LRP6: variants seen among roughly 807,000 people sequenced by gnomAD.
LRP6 encodes the protein LDL receptor related protein 6.
Under a neutral mutation model 184.1 loss-of-function variants are expected in LRP6, and 43 were observed. The observed-to-expected ratio is 0.23, with a 90% CI of 0.18 to 0.30. The LOEUF is 0.30. Ranked by LOEUF, LRP6 falls within the 10% of genes least tolerant of loss-of-function variation. The pLI, the probability that LRP6 is intolerant of heterozygous loss-of-function variation, is 1.00. For synonymous variants in LRP6, 719 were observed against 684.9 expected (o/e 1.05, Z -0.78); for missense variants, 1,571 against 2,005.3 (o/e 0.78, Z 4.14).
At chr12:12,132,188 T>C in intron 17 of LRP6, 131 bp from the exon 18 acceptor site, 1 of 711,622 alleles carries the variant, frequency 1.4e-6, no homozygotes. Flanking sequence ...ATATGATTTA[T>C]AACTATCTCA....
chr12:12,133,849 G>C (rs1338780842), intron 17 of LRP6, among the ~76,000 whole-genome samples: 2 of 84,918 alleles, frequency 2.4e-5, no homozygotes, highest in African/African-American at 9.0e-5. Context: ...ATTTTTTGGG[G>C]GGGGGGGGGG....
At chr12:12,210,409 C>G (rs1416334360) in intron 2 of LRP6, among the ~76,000 whole-genome samples, 4 of 152,172 alleles carry the variant, frequency 2.6e-5, no homozygotes, top group African/African-American at 9.6e-5. Context: ...TGAATTGAAG[C>G]ATCCTCACCT....
intron 2 of LRP6, among the ~76,000 whole-genome samples, chr12:12,238,838 ACT>A (rs1300898668): frequency 2.0e-5 from 3 of 152,210 alleles, no homozygotes; most frequent in Non-Finnish European, 4.4e-5. Context: ...AAATTGCTAC[ACT>A]GAGTAAACCT....
intron 1 of LRP6, among the ~76,000 whole-genome samples, chr12:12,246,346 A>C (rs940496990): frequency 2.0e-5 from 3 of 152,060 alleles, no homozygotes; most frequent in African/African-American, 7.2e-5. Flanking sequence ...ATTTATATAG[A>C]CAAGTGTGGC....
intron 17 of LRP6, among the ~76,000 whole-genome samples, chr12:12,132,748 C>A (rs1217338326): frequency 2.0e-5 from 3 of 152,156 alleles, no homozygotes. Context: ...CAAGTGTATG[C>A]CTCTTTAATA....
rs750594279 is a variant in LRP6, at chr12:12,203,277, A to G, written c.573T>C (p.Tyr191=). The part of the protein sequence containing the change: ...IYWPNGLTLD[Y]EEQKLYWADA... ...CTGCCCAATAAAGCTTTTGTTCTTC[A>G]TAATCCAAAGTCAGTCCATTTGGCC... Residue 191 remains tyrosine, a synonymous_variant, in exon 3 of 23, where the codon TAT becomes TAC. Transcript: ENST00000261349. 3 of 1,613,868 alleles carry G rather than the reference A, an allele frequency of 1.9e-6. No individual in the cohort carries two copies. Among genetic ancestry groups the G allele is most frequent in the African/African-American group, 2.7e-5 (2 of 74,924 alleles).
At chr12:12,256,834 A>T (rs919715309) in intron 1 of LRP6, among the ~76,000 whole-genome samples, 10 of 152,176 alleles carry the variant, frequency 6.6e-5, no homozygotes, top group African/African-American at 2.4e-4. Context: ...TAACGTATCA[A>T]AAGCTGAGAT....
At position 12,179,979 on chromosome 12, in the gene LRP6, T is replaced by C. The variant is rs1044073435; in HGVS notation, c.1376A>G (p.Tyr459Cys). 3 of 1,612,832 alleles carry C rather than the reference T, an allele frequency of 1.9e-6. No individual in the cohort carries two copies. In the South Asian group the frequency reaches 3.3e-5, roughly 18 times the overall value. ...TTCTCCCCAGTCAGTCCAATACATG[T>C]ACCTAGAGAAGTATACAAAAAATGA... The part of the protein sequence containing the change: ...RAIVLDPMVG[Y>C]MYWTDWGEIP... Residue 459 changes from tyrosine (Y) to cysteine (C), a missense_variant and splice_region_variant, in exon 7 of 23, where the codon TAC (tyrosine) becomes TGC (cysteine). Tyr to Cys is a radical substitution (Grantham distance 194). Transcript: ENST00000261349.
chr12:12,183,858 CTG>C, intron 5 of LRP6, 120 bp downstream of exon 5: 4 of 820,416 alleles, frequency 4.9e-6, no homozygotes, highest in Non-Finnish European at 6.2e-6. Context: ...TGTGTGAAGA[CTG>C]TGAAATTAAG....
At position 12,120,348 on chromosome 12, in the gene LRP6, G is replaced by GT; in HGVS notation, c.*777dup. The GT allele has an allele frequency of 6.6e-6, 1 of 151,996 alleles. No individual in the cohort carries two copies. Among genetic ancestry groups the GT allele is most frequent in the East Asian group, 1.9e-4 (1 of 5,170 alleles). 9.4% of individuals were successfully genotyped at this position (151,996 alleles called of 1,614,324 possible). A position where few individuals can be genotyped will look rare whatever the true frequency, so the allele number is the denominator to read the frequency against. On this transcript the variant is annotated 3_prime_UTR_variant, in exon 23 of 23. Transcript: ENST00000261349. ...AATGCTTCAGCTTAAAAAAATCATG[G>GT]TATCTTAGCAAAATGACTTACCAAG...
intron 7 of LRP6, among the ~76,000 whole-genome samples, chr12:12,175,916 T>C (rs1393129351): frequency 6.6e-6 from 1 of 151,786 alleles, no homozygotes; most frequent in Non-Finnish European, 1.5e-5. Flanking sequence ...TTTTACACCA[T>C]GGCAAAAATG....
At chr12:12,232,291 G>C (rs1469006553) in intron 2 of LRP6, among the ~76,000 whole-genome samples, 5 of 151,510 alleles carry the variant, frequency 3.3e-5, no homozygotes, top group Non-Finnish European at 5.9e-5. Context: ...GGCTGAGGCA[G>C]AAGAGTGTCG....
chr12:12,135,339 A>T, intron 16 of LRP6, 39 bp from the exon 17 acceptor site: 2 of 1,333,362 alleles, frequency 1.5e-6, no homozygotes, highest in East Asian at 2.4e-5. Context: ...GAGGAGGGGG[A>T]GTGGAGGGGG....
chr12:12,165,506 A>G (rs1862857198), intron 7 of LRP6, among the ~76,000 whole-genome samples: 1 of 152,110 alleles, frequency 6.6e-6, no homozygotes, highest in Non-Finnish European at 1.5e-5. Flanking sequence ...CCCCAATCTC[A>G]TATTACTCTT....
rs760606023 is a variant in LRP6 at position 12,119,869 on chromosome 12, T to C, written c.*1257A>G. 3 of 150,874 alleles carry C rather than the reference T, an allele frequency of 2.0e-5. No individual in the cohort carries two copies. The highest frequency in any genetic ancestry group is 2.0e-4 in the Admixed American group (3 of 15,128). The allele number at this position is 150,874 out of a possible 1,614,324, so 9.3% of individuals were successfully genotyped here. On this transcript the variant is annotated 3_prime_UTR_variant, in exon 23 of 23. Coordinates refer to ENST00000261349, the MANE Select transcript of LRP6 (RefSeq NM_002336.3). ...CTGAGAAAAACCGGTCTAAAGAACA[T>C]GAAAACATCACAAACTGTTAATATA...
chr12:12,125,208 A>C, intron 21 of LRP6, 88 bp downstream of exon 21: 1 of 1,504,304 alleles, frequency 6.6e-7, no homozygotes. Context: ...CTACTTTTAC[A>C]TTACTATCAC....
chr12:12,127,253 A>G (rs950103934), intron 19 of LRP6, among the ~76,000 whole-genome samples: 1 of 152,222 alleles, frequency 6.6e-6, no homozygotes. Flanking sequence ...ATAAACAGAT[A>G]AAATCCATTC....
intron 2 of LRP6, among the ~76,000 whole-genome samples, chr12:12,233,046 A>C (rs552950567): frequency 6.6e-6 from 1 of 152,356 alleles, no homozygotes; most frequent in South Asian, 2.1e-4. Flanking sequence ...ACAAATACAA[A>C]GTACTCAGTA....
At chr12:12,131,097 ATTTTTTTTT>A (rs35705276) in intron 18 of LRP6, among the ~76,000 whole-genome samples, 15 of 78,200 alleles carry the variant, frequency 1.9e-4, no homozygotes, top group Admixed American at 2.0e-4. Flanking sequence ...ATTTCCTAAC[ATTTTTTTTT>A]TTTTTTTTTT....
Sources: gnomAD v4.1 joint callset for allele counts (sites outside exome capture counted in the v4.1 genomes callset) on GRCh38, gnomAD v4.1.1 for gene constraint, MANE v1.5 for transcripts, NCBI Gene and HGNC (gene_info 2026-07-23, HGNC 2026-07-21) for gene names.